The following TCAIM variants were observed in gnomAD, a reference collection of about 807,000 sequenced individuals.
The protein encoded by TCAIM is T cell activation inhibitor, mitochondrial.
TCAIM carries 36 observed loss-of-function variants against 58.6 expected under a neutral mutation model. The observed-to-expected ratio is 0.61, with a 90% CI of 0.47 to 0.81. The LOEUF is 0.81. Ranked by LOEUF, TCAIM falls within the 30% of genes least tolerant of loss-of-function variation. The pLI is 0.00. For synonymous variants in TCAIM, 172 were observed against 193.6 expected, an observed-to-expected ratio of 0.89 and a Z score of 0.93; for missense variants, 466 against 579.6, an observed-to-expected ratio of 0.80 and a Z score of 2.01.
At chr3:44,383,015 C>T (rs575454122) in intron 5 of TCAIM, among the ~76,000 whole-genome samples, 1 of 152,186 alleles carries the variant, frequency 6.6e-6, no homozygotes, top group Non-Finnish European at 1.5e-5. Flanking sequence ...TAGAGAAATG[C>T]AAATTAAAAC....
chr3:44,360,562 G>A (rs893726803), intron 3 of TCAIM, among the ~76,000 whole-genome samples: 11 of 148,270 alleles, frequency 7.4e-5, no homozygotes, highest in East Asian at 2.0e-4. Flanking sequence ...TTCCTGTTTC[G>A]TTTACCCAGT....
At chr3:44,349,290 A>G (rs1198627771) in intron 1 of TCAIM, among the ~76,000 whole-genome samples, 3 of 152,304 alleles carry the variant, frequency 2.0e-5, no homozygotes, top group Non-Finnish European at 2.9e-5. Flanking sequence ...CCATTTTACT[A>G]CAAGAATTAT....
At chr3:44,358,036 T>G (rs1473195464) in intron 3 of TCAIM, among the ~76,000 whole-genome samples, 160 bp downstream of exon 3, 1 of 152,194 alleles carries the variant, frequency 6.6e-6, no homozygotes, top group Non-Finnish European at 1.5e-5. Context: ...AAATTGAAAA[T>G]AGAGCTTTTT....
intron 1 of TCAIM, among the ~76,000 whole-genome samples, chr3:44,346,176 C>T (rs1157129877): frequency 6.6e-6 from 1 of 152,088 alleles, no homozygotes; most frequent in Non-Finnish European, 1.5e-5. Flanking sequence ...ATCATTAGTC[C>T]GTTTTACCTT....
rs371389597 is a variant in TCAIM at position 44,396,875 on chromosome 3, T to A, written c.885+41T>A. 2.5e-5 allele frequency: 39 copies of A among 1,566,118 alleles called. No homozygotes were observed. In the African/African-American group the frequency reaches 5.0e-4, roughly 20 times the overall value. ...AAAATTAAAAACTCCTTGTCATTCA[T>A]AAACTTTCATTTCCAACAATGCTGT... On this transcript the variant is annotated intron_variant, in intron 8 of 10. Coordinates refer to ENST00000342649, the MANE Select transcript of TCAIM (RefSeq NM_173826.4).
chr3:44,401,880 A>G (rs1481866183), intron 10 of TCAIM, among the ~76,000 whole-genome samples: 1 of 152,004 alleles, frequency 6.6e-6, no homozygotes, highest in African/African-American at 2.4e-5. Flanking sequence ...TAAAAATACA[A>G]AAGTTATCCA....
In TCAIM at chr3:44,407,697, T is replaced by G. The variant is rs774930092; in HGVS notation, c.*15T>G. On this transcript the variant is annotated 3_prime_UTR_variant, in exon 11 of 11. Transcript: ENST00000342649. ...CCATTAAGTAACACAGAAATCTGTT[T>G]TATTTTTTTAAGAGATAAGAAAGGA... The G allele has an allele frequency of 6.4e-7, 1 of 1,559,204 alleles. No homozygotes were observed. Among genetic ancestry groups the G allele is most frequent in the South Asian group, 1.2e-5 (1 of 81,744 alleles).
At chr3:44,394,921 A>AATGTAT (rs1701906809) in intron 6 of TCAIM, among the ~76,000 whole-genome samples, 1 of 48,484 alleles carries the variant, frequency 2.1e-5, no homozygotes, top group African/African-American at 8.9e-5. Context: ...AAAAAAAAAA[A>AATGTAT]ATATATATAT....
intron 1 of TCAIM, among the ~76,000 whole-genome samples, chr3:44,349,145 G>A (rs942540993): frequency 6.6e-6 from 1 of 152,098 alleles, no homozygotes; most frequent in African/African-American, 2.4e-5. Flanking sequence ...AGAACTCAGA[G>A]TTTGGGGTGG....
chr3:44,397,018 TAA>T (rs1701946620), intron 8 of TCAIM, among the ~76,000 whole-genome samples, 184 bp downstream of exon 8: 1 of 152,248 alleles, frequency 6.6e-6, no homozygotes, highest in African/African-American at 2.4e-5. Flanking sequence ...TTAAAATACT[TAA>T]GAGGAAAGAC....
chr3:44,394,068 T>G (rs1234660996), intron 6 of TCAIM, among the ~76,000 whole-genome samples: 3 of 152,228 alleles, frequency 2.0e-5, no homozygotes, highest in African/African-American at 7.2e-5. Flanking sequence ...TGTTACTATT[T>G]GCAATAGCCT....
rs1311181628 is a variant in TCAIM at position 44,362,872 on chromosome 3, G to A, written c.319+1354G>A. 3.3e-5 allele frequency: 5 copies of A among 153,024 alleles called. No homozygotes were observed. The Admixed American group carries it at 3.3e-4, about 10-fold the overall frequency. 9.5% of individuals were successfully genotyped at this position (153,024 alleles called of 1,614,324 possible). A position where few individuals can be genotyped will look rare whatever the true frequency, so the allele number is the denominator to read the frequency against. Reference sequence around the variant, plus strand: ...CAAATATTCATAAATATTTTTAATAGATGTATGCTCCTGTTAGTCAGGGTC... The same window carrying A: ...CAAATATTCATAAATATTTTTAATAAATGTATGCTCCTGTTAGTCAGGGTC... On this transcript the variant is annotated intron_variant, in intron 4 of 10. Transcript: ENST00000342649.
intron 5 of TCAIM, among the ~76,000 whole-genome samples, chr3:44,384,386 T>C (rs567428972): frequency 6.6e-6 from 1 of 152,222 alleles, no homozygotes; most frequent in South Asian, 2.1e-4. Context: ...ATAGTCAAAT[T>C]TCATGCTGTC....
intron 5 of TCAIM, among the ~76,000 whole-genome samples, chr3:44,372,751 AC>A (rs1195961023): frequency 2.6e-5 from 4 of 151,316 alleles, no homozygotes; most frequent in African/African-American, 7.3e-5. Context: ...CTGCCACCAC[AC>A]CCGGCTAATT....
At chr3:44,361,010 C>T (rs1373474314) in intron 3 of TCAIM, among the ~76,000 whole-genome samples, 1 of 152,194 alleles carries the variant, frequency 6.6e-6, no homozygotes, top group Non-Finnish European at 1.5e-5. Flanking sequence ...GCCTGCAGGA[C>T]TCATATGGCT....
chr3:44,394,608 T>A (rs971183302), intron 6 of TCAIM, among the ~76,000 whole-genome samples: 3 of 151,802 alleles, frequency 2.0e-5, no homozygotes, highest in African/African-American at 7.3e-5. Flanking sequence ...TCAATAGATA[T>A]AACCCGGCCG....
In TCAIM at chr3:44,391,493, G is replaced by A. The variant is rs1044340904; in HGVS notation, c.573-1362G>A. 9.9e-5 allele frequency among the ~76,000 whole-genome samples: 15 copies of A among 152,044 alleles called. 1 individual carries two copies. Among genetic ancestry groups the A allele is most frequent in the African/African-American group, 3.4e-4 (14 of 41,410 alleles). ...GCTTGAGCCACCACACCCAGCCAAA[G>A]CATTTTTGATATTTAGTTCTTCTTG... On this transcript the variant is annotated intron_variant, in intron 5 of 10. Coordinates refer to ENST00000342649, the MANE Select transcript of TCAIM (RefSeq NM_173826.4).
intron 6 of TCAIM, among the ~76,000 whole-genome samples, chr3:44,394,794 T>C (rs944182552): frequency 1.4e-5 from 2 of 145,116 alleles, no homozygotes; most frequent in Non-Finnish European, 3.0e-5. Flanking sequence ...CTCAGGAGGC[T>C]GAGGCAGGAG....
intron 10 of TCAIM, among the ~76,000 whole-genome samples, chr3:44,406,833 C>T (rs937876084): frequency 1.3e-5 from 2 of 152,164 alleles, no homozygotes; most frequent in Non-Finnish European, 2.9e-5. Flanking sequence ...CACTTGCCAC[C>T]TGTGGGAGAA....
Sources: allele counts gnomAD v4.1 joint callset (sites outside exome capture counted in the v4.1 genomes callset), GRCh38; gene constraint gnomAD v4.1.1; transcripts MANE v1.5; gene names NCBI Gene and HGNC (gene_info 2026-07-23, HGNC 2026-07-21).